MYO1D: variants seen among roughly 807,000 people sequenced by gnomAD.
MYO1D encodes the protein myosin ID.
A neutral mutation model predicts 122.0 loss-of-function variants in MYO1D; 83 were observed. The observed-to-expected ratio is 0.68, with a 90% CI of 0.57 to 0.82. The LOEUF (loss-of-function observed/expected upper bound fraction) is 0.82. Among genes scored for constraint, MYO1D ranks in the 40% least tolerant of loss-of-function variants. The pLI is 0.00. For synonymous variants in MYO1D, 464 were observed against 446.9 expected (o/e 1.04, Z -0.48); for missense variants, 1,157 against 1,269.5 (o/e 0.91, Z 1.35).
intron 20 of MYO1D, among the ~76,000 whole-genome samples, chr17:32,633,980 G>A (rs1176917589): frequency 6.6e-6 from 1 of 152,032 alleles, no homozygotes; most frequent in African/African-American, 2.4e-5. Flanking sequence ...TTCCCCATTG[G>A]AATGTAAATT....
chr17:32,847,472 C>G (rs1567670394), intron 1 of MYO1D, among the ~76,000 whole-genome samples: 1 of 152,192 alleles, frequency 6.6e-6, no homozygotes, highest in Non-Finnish European at 1.5e-5. Context: ...AACTTTGGAA[C>G]TGTCTCATCA....
intron 21 of MYO1D, among the ~76,000 whole-genome samples, chr17:32,552,460 CCATT>C (rs1215830148): frequency 1.1e-4 from 16 of 147,400 alleles, no homozygotes; most frequent in Middle Eastern, 3.5e-3. Context: ...ATCCATCCAT[CCATT>C]CATCCATCCC....
chr17:32,531,269 A>G (rs1910500227), intron 21 of MYO1D: 1 of 152,262 alleles, frequency 6.6e-6, no homozygotes, highest in African/African-American at 2.4e-5. Flanking sequence ...GCTGCCTGTG[A>G]CCAAGGTTTC....
At chr17:32,512,075 C>T (rs940492491) in intron 21 of MYO1D, among the ~76,000 whole-genome samples, 5 of 152,042 alleles carry the variant, frequency 3.3e-5, no homozygotes, top group Non-Finnish European at 7.4e-5. Context: ...CCGAGGTGGG[C>T]GGATCACCTG....
chr17:32,780,453 T>A, intron 2 of MYO1D, 123 bp downstream of exon 2: 1 of 895,234 alleles, frequency 1.1e-6, no homozygotes, highest in Non-Finnish European at 1.7e-6. Flanking sequence ...CTTTTCTCTC[T>A]CCTATAGAAT....
intron 21 of MYO1D, among the ~76,000 whole-genome samples, chr17:32,537,681 C>T (rs7225761): frequency 0.083 from 12,625 of 152,088 alleles, 1,681 homozygotes; most frequent in African/African-American, 0.28. Flanking sequence ...ATTAGCATAG[C>T]GGTCCATAGA....
At chr17:32,695,097 AC>A (rs1278352922) in intron 16 of MYO1D, among the ~76,000 whole-genome samples, 1 of 148,326 alleles carries the variant, frequency 6.7e-6, no homozygotes, top group Non-Finnish European at 1.5e-5. Flanking sequence ...GTGGTCTTGA[AC>A]CTTTTTGACA....
chr17:32,535,815 G>A (rs139403062), intron 21 of MYO1D, among the ~76,000 whole-genome samples: 74 of 152,276 alleles, frequency 4.9e-4, no homozygotes, highest in Middle Eastern at 3.4e-3. Context: ...ACTCAATAGC[G>A]TTTAGATAAT....
At chr17:32,572,710 C>T (rs1371850748) in intron 21 of MYO1D, among the ~76,000 whole-genome samples, 1 of 152,146 alleles carries the variant, frequency 6.6e-6, no homozygotes, top group African/African-American at 2.4e-5. Context: ...CTCTTCCCTT[C>T]ATTCACTCTG....
At chr17:32,740,129 G>A (rs1035757145) in intron 13 of MYO1D, among the ~76,000 whole-genome samples, 7 of 152,138 alleles carry the variant, frequency 4.6e-5, no homozygotes, top group South Asian at 2.1e-4. Context: ...TTAAGGCAAC[G>A]TTCTTAACTT....
rs545009193 is a variant in MYO1D, at chr17:32,632,447, T to C, written c.2709+6275A>G. On this transcript the variant is annotated intron_variant, in intron 20 of 21. Transcript: ENST00000318217. ...GTGGATTCAGGCATGGCCCAAACCT[T>C]TTGGAGCGGAGTGGCGGCTGCCGTG... 2.0e-5 allele frequency: 3 copies of C among 152,274 alleles called. No homozygotes were observed. The East Asian group carries it at 5.8e-4, about 29-fold the overall frequency. The allele number at this position is 152,274 out of a possible 1,614,324, so 9.4% of individuals were successfully genotyped here.
At position 32,611,734 on chromosome 17, in the gene MYO1D, G is replaced by A. The variant is rs142410023; in HGVS notation, c.2710-6493C>T. ...GGTGCCTATAGTCCCAGCTAATCAG[G>A]AGGCTGGGGCAGGAGAATCACTTGT... On this transcript the variant is annotated intron_variant, in intron 20 of 21. Transcript: ENST00000318217. 4.6e-3 allele frequency among the ~76,000 whole-genome samples: 695 copies of A among 152,316 alleles called. 3 individuals carry two copies. The highest frequency in any genetic ancestry group is 0.015 in the African/African-American group (634 of 41,570).
chr17:32,619,149 A>C (rs2087819529), intron 20 of MYO1D, among the ~76,000 whole-genome samples: 1 of 152,170 alleles, frequency 6.6e-6, no homozygotes, highest in East Asian at 1.9e-4. Flanking sequence ...TCAAGAAATC[A>C]CTTCAACAAG....
chr17:32,696,264 A>G (rs1019655414), intron 16 of MYO1D, among the ~76,000 whole-genome samples: 6 of 152,228 alleles, frequency 3.9e-5, no homozygotes, highest in Admixed American at 6.5e-5. Flanking sequence ...ACTGACTATT[A>G]TTAGGAAATT....
chr17:32,735,093 C>CAG (rs781616203), intron 14 of MYO1D, among the ~76,000 whole-genome samples: 1 of 104,022 alleles, frequency 9.6e-6, no homozygotes, highest in African/African-American at 3.2e-5. Context: ...CACACACACA[C>CAG]ACACACACAC....
intron 1 of MYO1D, among the ~76,000 whole-genome samples, chr17:32,805,834 C>T (rs17781011): frequency 0.4 from 61,510 of 152,046 alleles, 12,834 homozygotes; most frequent in East Asian, 0.54. Flanking sequence ...AGAGTTACTC[C>T]CTGATAGACA....
In MYO1D at chr17:32,821,316, TC is replaced by T. The variant is rs1446374745; in HGVS notation, c.96-40533del. Among the ~76,000 whole-genome samples the T allele has an allele frequency of 2.0e-5, 3 of 152,166 alleles. No homozygotes were observed. In the East Asian group the frequency reaches 5.8e-4, roughly 29 times the overall value. On this transcript the variant is annotated intron_variant, in intron 1 of 21. Coordinates refer to ENST00000318217, the MANE Select transcript of MYO1D (RefSeq NM_015194.3). Reference sequence around the variant, plus strand: ...GTGGTGGGCAGGAATAATTAGTCATTCATATCTCTAATATAACTATCACTTT... The same window carrying T: ...GTGGTGGGCAGGAATAATTAGTCATTATATCTCTAATATAACTATCACTTT...
chr17:32,648,987 C>T (rs145184856), intron 19 of MYO1D, among the ~76,000 whole-genome samples: 55 of 152,090 alleles, frequency 3.6e-4, no homozygotes, highest in Middle Eastern at 3.4e-3. Flanking sequence ...TTACAGAATA[C>T]GTTTATAACA....
At chr17:32,567,764 G>A (rs1175107953) in intron 21 of MYO1D, among the ~76,000 whole-genome samples, 1 of 152,200 alleles carries the variant, frequency 6.6e-6, no homozygotes, top group Non-Finnish European at 1.5e-5. Context: ...GTGCACAGAA[G>A]GACACCTACA....
Sources: allele counts gnomAD v4.1 joint callset (sites outside exome capture counted in the v4.1 genomes callset), GRCh38; gene constraint gnomAD v4.1.1; transcripts MANE v1.5; gene names NCBI Gene and HGNC (gene_info 2026-07-23, HGNC 2026-07-21).